Variants in HLF observed in about 807,000 individuals in gnomAD.
HLF encodes the protein HLF transcription factor, PAR bZIP family member.
HLF carries 3 observed loss-of-function variants against 22.6 expected under a neutral mutation model. That is an observed-to-expected ratio of 0.13 (90% confidence interval 0.06 to 0.34). The LOEUF (loss-of-function observed/expected upper bound fraction) is 0.34. HLF is among the 10% of genes least tolerant of loss of function. HLF has a pLI of 1.00. For synonymous variants in HLF, 151 were observed against 151.8 expected (o/e 0.99, Z 0.04); for missense variants, 299 against 389.2 (o/e 0.77, Z 1.95).
intron 2 of HLF, among the ~76,000 whole-genome samples, chr17:55,282,270 G>A (rs1056961631): frequency 6.6e-6 from 1 of 152,176 alleles, no homozygotes; most frequent in African/African-American, 2.4e-5. Context: ...AGGTTTTTGA[G>A]TTGCTGGACT....
At chr17:55,295,464 C>G (rs568894314) in intron 2 of HLF, among the ~76,000 whole-genome samples, 41 of 152,352 alleles carry the variant, frequency 2.7e-4, no homozygotes, top group African/African-American at 9.4e-4. Flanking sequence ...GGGGCTAACT[C>G]CCTCCTGCCC....
At chr17:55,303,323 C>T (rs572707145) in intron 2 of HLF, among the ~76,000 whole-genome samples, 1 of 152,334 alleles carries the variant, frequency 6.6e-6, no homozygotes, top group East Asian at 1.9e-4. Context: ...TTGCACAAAA[C>T]ACTGCAGACT....
rs1476302475 is a variant in HLF at position 55,265,279 on chromosome 17, T to G, written c.-206T>G. 4.2e-6 allele frequency: 2 copies of G among 480,904 alleles called. No homozygotes were observed. Among genetic ancestry groups the G allele is most frequent in the Non-Finnish European group, 3.6e-6 (1 of 277,322 alleles). 29.8% of individuals were successfully genotyped at this position (480,904 alleles called of 1,614,324 possible). A position where few individuals can be genotyped will look rare whatever the true frequency, so the allele number is the denominator to read the frequency against. On this transcript the variant is annotated 5_prime_UTR_variant, in exon 1 of 4. Transcript: ENST00000226067. ...CGCGCTCTCCTGGGACCGTCTGCAC[T>G]GGAAACCCGAAAGTTTTTTTTTAAT... is the stretch of plus-strand genomic sequence containing the variant.
At chr17:55,278,176 A>C (rs2080923483) in intron 2 of HLF, among the ~76,000 whole-genome samples, 1 of 152,222 alleles carries the variant, frequency 6.6e-6, no homozygotes, top group Non-Finnish European at 1.5e-5. Context: ...TTGCCTCTCA[A>C]ATTTTGCCTG....
intron 2 of HLF, among the ~76,000 whole-genome samples, chr17:55,295,552 C>T (rs1006394924): frequency 6.6e-6 from 1 of 152,216 alleles, no homozygotes; most frequent in Admixed American, 6.5e-5. Context: ...ACGTCTCAAA[C>T]GTGGTGTTTA....
intron 2 of HLF, among the ~76,000 whole-genome samples, chr17:55,292,151 G>A (rs1294056956): frequency 6.6e-6 from 1 of 152,216 alleles, no homozygotes; most frequent in African/African-American, 2.4e-5. Context: ...CATAAACTTA[G>A]TTGGTATAGC....
intron 2 of HLF, chr17:55,288,849 T>A (rs1005243031): frequency 1.2e-6 from 1 of 815,376 alleles, no homozygotes; most frequent in South Asian, 5.6e-5. Context: ...AAGTGGATAT[T>A]GACCCCCCAA....
intron 2 of HLF, among the ~76,000 whole-genome samples, chr17:55,311,121 T>C (rs190165658): frequency 1.2e-4 from 18 of 152,318 alleles, no homozygotes; most frequent in Admixed American, 2.0e-4. Flanking sequence ...TTAACTAATG[T>C]ATTCTGAAGT....
At chr17:55,298,670 G>C (rs918115421) in intron 2 of HLF, among the ~76,000 whole-genome samples, 1 of 152,170 alleles carries the variant, frequency 6.6e-6, no homozygotes, top group African/African-American at 2.4e-5. Context: ...AATTACTGCA[G>C]GCCTATAAAT....
intron 2 of HLF, among the ~76,000 whole-genome samples, chr17:55,305,083 C>T (rs571952311): frequency 9.8e-5 from 15 of 152,306 alleles, no homozygotes; most frequent in Admixed American, 2.6e-4. Context: ...ACAGACCTCC[C>T]CCAAGAAGTG....
chr17:55,267,843 T>C lies in HLF; in HGVS notation c.208T>C (p.Trp70Arg). Residue 70 changes from tryptophan to arginine, a missense_variant, in exon 2 of 4, where the codon TGG (tryptophan) becomes CGG (arginine). By Grantham distance (101) the Trp-to-Arg change is moderately radical. Around this residue, in one of 3 missense-constraint regions of HLF, gnomAD observed 3 missense variants for 17.1 expected, o/e 0.18. Transcript: ENST00000226067. Reference protein sequence around the residue: ...PQSAFLGPTLWDKTLPYDGDT... With the variant: ...PQSAFLGPTLRDKTLPYDGDT... The stretch of plus-strand genomic sequence containing the variant: ...GTCGGCATTCCTGGGGCCTACCTTA[T>C]GGGACAAAACCCTTCCCTATGACGG... The C allele has an allele frequency of 6.2e-7, 1 of 1,614,116 alleles. No individual in the cohort carries two copies. The highest frequency in any genetic ancestry group is 8.5e-7 in the Non-Finnish European group (1 of 1,179,992).
intron 2 of HLF, among the ~76,000 whole-genome samples, chr17:55,298,626 T>A (rs1435152410): frequency 6.6e-6 from 1 of 152,210 alleles, no homozygotes; most frequent in East Asian, 1.9e-4. Context: ...TTCTAGTGTA[T>A]GTTAGGGATC....
At chr17:55,319,927 G>A (rs1418333541) in intron 3 of HLF, among the ~76,000 whole-genome samples, 2 of 152,220 alleles carry the variant, frequency 1.3e-5, no homozygotes, top group East Asian at 1.9e-4. Context: ...ACTGGGATGA[G>A]ACCATACATA....
chr17:55,277,881 T>C (rs1464747660), intron 2 of HLF, among the ~76,000 whole-genome samples: 1 of 152,170 alleles, frequency 6.6e-6, no homozygotes, highest in Non-Finnish European at 1.5e-5. Context: ...TCTGTTAAAT[T>C]GGCTTGTGGT....
At position 55,320,732 on chromosome 17, in the gene HLF, G is replaced by A; in HGVS notation, c.741G>A (p.Arg247=). The part of the protein sequence containing the change: ...MAAKRSRDAR[R]LKENQIAIRA... ...CCAAGCGCTCCCGCGACGCCCGGAG[G>A]CTGAAAGAGAACCAGATCGCCATCC... Residue 247 remains arginine (R), a synonymous_variant, in exon 4 of 4, where the codon AGG becomes AGA. Coordinates refer to ENST00000226067, the MANE Select transcript of HLF (RefSeq NM_002126.5). This position sits in a 1 kb window ranked among gnomAD's most constrained non-coding sequence, Gnocchi z 4.2. The A allele has an allele frequency of 6.2e-7, 1 of 1,614,198 alleles. No homozygotes were observed. Among genetic ancestry groups the A allele is most frequent in the Middle Eastern group, 1.6e-4 (1 of 6,062 alleles).
Position 55,322,952 on chromosome 17 carries a change from A to G in HLF, c.*2073A>G, listed in dbSNP as rs1905311791. 4.4e-6 allele frequency: 1 copy of G among 225,074 alleles called. No individual in the cohort carries two copies. The highest frequency in any genetic ancestry group is 2.2e-5 in the African/African-American group (1 of 44,914). 13.9% of individuals were successfully genotyped at this position (225,074 alleles called of 1,614,324 possible). A position where few individuals can be genotyped will look rare whatever the true frequency, so the allele number is the denominator to read the frequency against. ...AATTCTGCTGTTACGACAAAGAAACATTTTACGCTAGATTAAAATATCCTT... is the reference window on the plus strand; with the variant it reads ...AATTCTGCTGTTACGACAAAGAAACGTTTTACGCTAGATTAAAATATCCTT... On this transcript the variant is annotated 3_prime_UTR_variant, in exon 4 of 4. Transcript: ENST00000226067.
At chr17:55,309,557 TGAG>T (rs946702675) in intron 2 of HLF, among the ~76,000 whole-genome samples, 3 of 152,096 alleles carry the variant, frequency 2.0e-5, no homozygotes, top group Non-Finnish European at 2.9e-5. Context: ...AAACTGGTGA[TGAG>T]GAGGAGGGCA....
intron 2 of HLF, among the ~76,000 whole-genome samples, chr17:55,296,756 T>G (rs912039162): frequency 2.6e-5 from 4 of 152,206 alleles, no homozygotes; most frequent in African/African-American, 9.6e-5. Flanking sequence ...GATCAAAGTG[T>G]GTAGGCTCCA....
At chr17:55,318,792 C>A (rs1033940094) in intron 3 of HLF, among the ~76,000 whole-genome samples, 3 of 152,110 alleles carry the variant, frequency 2.0e-5, no homozygotes, top group Admixed American at 2.0e-4. Flanking sequence ...AGGCTTCTAT[C>A]AAAACACAAA....
Sources: allele counts gnomAD v4.1 joint callset (sites outside exome capture counted in the v4.1 genomes callset), GRCh38; gene constraint gnomAD v4.1.1; regional missense constraint gnomAD v4.1.1; non-coding constraint Gnocchi (gnomAD v3.1); transcripts MANE v1.5; gene names NCBI Gene and HGNC (gene_info 2026-07-23, HGNC 2026-07-21).